Variants in PCDHGA7 observed in about 807,000 individuals in gnomAD.
PCDHGA7 encodes the protein protocadherin gamma-A7.
Under a neutral mutation model 58.3 loss-of-function variants are expected in PCDHGA7, and 44 were observed. The ratio of observed to expected loss-of-function variants is 0.75; its 90% CI spans 0.59 to 0.97. PCDHGA7 has a LOEUF of 0.97. Among genes scored for constraint, PCDHGA7 ranks in the 50% least tolerant of loss-of-function variants. The pLI is 0.00. For missense variants in PCDHGA7, 1,266 were observed against 1,188.7 expected, an observed-to-expected ratio of 1.06 and a Z score of -0.96; for synonymous variants, 516 against 504.2, an observed-to-expected ratio of 1.02 and a Z score of -0.31.
intron 1 of PCDHGA7, chr5:141,439,807 G>A (rs2098132839): frequency 6.6e-6 from 1 of 152,336 alleles, no homozygotes; most frequent in African/African-American, 2.4e-5. Context: ...AGTTTGAAAA[G>A]GGGCTTATTT....
At chr5:141,481,795 T>C (rs2154579318) in intron 1 of PCDHGA7, among the ~76,000 whole-genome samples, 1 of 150,244 alleles carries the variant, frequency 6.7e-6, no homozygotes, top group South Asian at 2.1e-4. Context: ...CTACTAAAAA[T>C]ACAAAAATTC....
intron 1 of PCDHGA7, among the ~76,000 whole-genome samples, chr5:141,454,859 G>A (rs2098805080): frequency 7.9e-6 from 1 of 126,982 alleles, no homozygotes; most frequent in African/African-American, 3.1e-5. Flanking sequence ...CCAGGCTGGA[G>A]TGCAGTGGCA....
intron 2 of PCDHGA7, among the ~76,000 whole-genome samples, chr5:141,501,290 T>TACACATACAC (rs1224133816): frequency 4.6e-4 from 62 of 136,246 alleles, no homozygotes; most frequent in Admixed American, 7.0e-4. Flanking sequence ...TATTCCCTTA[T>TACACATACAC]ACACACACAC....
chr5:141,415,203 G>C (rs2095843560), intron 1 of PCDHGA7: 24 of 1,614,032 alleles, frequency 1.5e-5, no homozygotes, highest in Non-Finnish European at 2.0e-5. Flanking sequence ...CCCAAGTCCT[G>C]GCGGACCTCG....
chr5:141,437,664 A>G (rs10035418), intron 1 of PCDHGA7, among the ~76,000 whole-genome samples: 45,525 of 151,942 alleles, frequency 0.3, 8,040 homozygotes, highest in African/African-American at 0.5. Context: ...AGTTTCGAAG[A>G]GATGTTGATC....
rs372031191 is a variant in PCDHGA7, at chr5:141,395,092, C to T, written c.2424+9769C>T. 3.2e-5 allele frequency: 52 copies of T among 1,614,088 alleles called. No homozygotes were observed. The highest frequency in any genetic ancestry group is 4.2e-5 in the Non-Finnish European group (50 of 1,180,040). On this transcript the variant is annotated intron_variant, in intron 1 of 3. Transcript: ENST00000518325. ...ACCTATTCCCAGGAAGTCTCCCTCA[C>T]CGCCGACTCGCGGAAGAGTCACCTG...
At chr5:141,404,354 G>C in intron 1 of PCDHGA7, 1 of 1,613,916 alleles carries the variant, frequency 6.2e-7, no homozygotes. Context: ...CAACGCCAGA[G>C]GTACTTCCAT....
At chr5:141,428,750 C>G (rs1282306626) in intron 1 of PCDHGA7, 1 of 154,730 alleles carries the variant, frequency 6.5e-6, no homozygotes, top group African/African-American at 2.4e-5. Flanking sequence ...ACTATTGCTT[C>G]AGGTTTGTTT....
At chr5:141,458,386 G>A (rs1037969327) in intron 1 of PCDHGA7, among the ~76,000 whole-genome samples, 3 of 152,188 alleles carry the variant, frequency 2.0e-5, no homozygotes, top group African/African-American at 4.8e-5. Context: ...GAAGGAAGAC[G>A]CTCCCCCTTG....
chr5:141,487,442 G>A lies in PCDHGA7; in HGVS notation c.2425-7365G>A, dbSNP rs749842864. 1 of 1,613,918 alleles carries A rather than the reference G, an allele frequency of 6.2e-7. No homozygotes were observed. Among genetic ancestry groups the A allele is most frequent in the Non-Finnish European group, 8.5e-7 (1 of 1,179,798 alleles). On this transcript the variant is annotated intron_variant, in intron 1 of 3. Coordinates refer to ENST00000518325, the MANE Select transcript of PCDHGA7 (RefSeq NM_018920.4). The surrounding 1 kb of genome is among the most constrained non-coding windows in gnomAD (Gnocchi z 5.0). ...GATCCTCCGAATCCAGCTAGGGTCA[G>A]ATGACCCTATCAAGTTTGTTGATGT...
intron 1 of PCDHGA7, chr5:141,402,889 G>A: frequency 1.3e-6 from 2 of 1,493,808 alleles, no homozygotes; most frequent in South Asian, 1.4e-5. Context: ...CAGGGTGGAA[G>A]AAAGAACCTG....
At chr5:141,421,579 T>A (rs753573473) in intron 1 of PCDHGA7, 1 of 1,613,934 alleles carries the variant, frequency 6.2e-7, no homozygotes, top group Non-Finnish European at 8.5e-7. Flanking sequence ...CTTGAAGATT[T>A]ACGGAGTGGA....
intron 1 of PCDHGA7, chr5:141,423,755 G>A (rs1236551808): frequency 2.5e-5 from 13 of 512,416 alleles, no homozygotes; most frequent in Non-Finnish European, 3.4e-5. Context: ...CTGTTTGGGG[G>A]GGGGGTGGGG....
At chr5:141,423,091 G>C (rs1243671863) in intron 1 of PCDHGA7, 11 of 1,613,908 alleles carry the variant, frequency 6.8e-6, no homozygotes, top group South Asian at 2.2e-5. Context: ...CGCGGTGGGG[G>C]AGCACACGGG....
Position 141,412,258 on chromosome 5 carries a change from C to T in PCDHGA7, c.2424+26935C>T, listed in dbSNP as rs569698099. 5.8e-4 allele frequency: 88 copies of T among 152,314 alleles called. 1 individual carries two copies. The highest frequency in any genetic ancestry group is 2.0e-3 in the African/African-American group (83 of 41,568). 9.4% of individuals were successfully genotyped at this position (152,314 alleles called of 1,614,324 possible). On this transcript the variant is annotated intron_variant, in intron 1 of 3. Transcript: ENST00000518325. Reference sequence around the variant, plus strand: ...ATATCACTACATCTAACTTTGTTTTCTAAAACTTTTAGTACTTCAAATTCT... The same window carrying T: ...ATATCACTACATCTAACTTTGTTTTTTAAAACTTTTAGTACTTCAAATTCT...
At chr5:141,430,573 A>C (rs938248057) in intron 1 of PCDHGA7, 8 of 448,940 alleles carry the variant, frequency 1.8e-5, no homozygotes, top group Non-Finnish European at 3.0e-5. Context: ...AGAAAAGCGG[A>C]GATCCTGCTC....
intron 1 of PCDHGA7, chr5:141,390,260 C>T (rs1206984031): frequency 6.2e-7 from 1 of 1,614,002 alleles, no homozygotes; most frequent in Non-Finnish European, 8.5e-7. Context: ...TTTGTAATTC[C>T]AGTGAATTGA....
Position 141,477,443 on chromosome 5 carries a change from G to C in PCDHGA7, c.2425-17364G>C. The C allele has an allele frequency of 6.2e-7, 1 of 1,614,136 alleles. No individual in the cohort carries two copies. Among genetic ancestry groups the C allele is most frequent in the Non-Finnish European group, 8.5e-7 (1 of 1,180,024 alleles). ...CCCTTCCCTCTCAGCCCTTACAATA[G>C]TGCGTGTTCAAGTGTCCGACATCAA... On this transcript the variant is annotated intron_variant, in intron 1 of 3. Coordinates refer to ENST00000518325, the MANE Select transcript of PCDHGA7 (RefSeq NM_018920.4). This position sits in a 1 kb window ranked among gnomAD's most constrained non-coding sequence, Gnocchi z 4.9.
chr5:141,506,085 G>A lies in PCDHGA7; in HGVS notation c.2572+604G>A, dbSNP rs532931472. Among the ~76,000 whole-genome samples the A allele has an allele frequency of 2.6e-4, 39 of 152,168 alleles. 1 individual carries two copies. In the South Asian group the frequency reaches 2.9e-3, roughly 11 times the overall value. On this transcript the variant is annotated intron_variant, in intron 3 of 3. Coordinates refer to ENST00000518325, the MANE Select transcript of PCDHGA7 (RefSeq NM_018920.4). ...AGGGCTTCCTTTGTAATAGAGATTC[G>A]GCTAGTGGTGGTTGTCCCTGAAGAG...
Sources: gnomAD v4.1 joint callset for allele counts (sites outside exome capture counted in the v4.1 genomes callset) on GRCh38, gnomAD v4.1.1 for gene constraint, Gnocchi (gnomAD v3.1) non-coding constraint, MANE v1.5 for transcripts, NCBI Gene and HGNC (gene_info 2026-07-23, HGNC 2026-07-21) for gene names.